LYPLA1: variants seen among roughly 807,000 people sequenced by gnomAD.
LYPLA1 encodes acyl-protein thioesterase 1.
LYPLA1 carries 17 observed loss-of-function variants against 34.0 expected under a neutral mutation model. The observed-to-expected ratio is 0.50, with a 90% CI of 0.34 to 0.75. The LOEUF is 0.75. Among genes scored for constraint, LYPLA1 ranks in the 30% least tolerant of loss-of-function variants. The pLI is 0.01. For missense variants in LYPLA1, 203 were observed against 288.8 expected (o/e 0.70, Z 2.15); for synonymous variants, 98 against 100.8 (o/e 0.97, Z 0.17).
chr8:54,071,619 A>T (rs1807473369), intron 2 of LYPLA1, among the ~76,000 whole-genome samples: 1 of 152,158 alleles, frequency 6.6e-6, no homozygotes, highest in Non-Finnish European at 1.5e-5. Flanking sequence ...ATTTTATTTT[A>T]AAAGTGTGAG....
chr8:54,078,466 G>A (rs1025118972), intron 2 of LYPLA1, among the ~76,000 whole-genome samples: 10 of 152,092 alleles, frequency 6.6e-5, no homozygotes, highest in African/African-American at 1.2e-4. Context: ...AATTTACAAC[G>A]GTTAGACTCA....
chr8:54,052,005 G>A (rs1189692757), intron 7 of LYPLA1, among the ~76,000 whole-genome samples: 1 of 151,480 alleles, frequency 6.6e-6, no homozygotes, highest in Non-Finnish European at 1.5e-5. Flanking sequence ...TGTGCACCAC[G>A]ACGCCCAGCT....
chr8:54,058,458 A>C (rs113881244), intron 5 of LYPLA1, among the ~76,000 whole-genome samples: 20,105 of 152,042 alleles, frequency 0.13, 3,537 homozygotes, highest in African/African-American at 0.41. Flanking sequence ...ACAGGAGAAT[A>C]ACTTGAACCC....
chr8:54,053,790 CA>C (rs1277566457), intron 6 of LYPLA1: 5 of 453,362 alleles, frequency 1.1e-5, no homozygotes, highest in Non-Finnish European at 2.2e-5. Flanking sequence ...AGATGGTGAG[CA>C]AGGCCCAACT....
chr8:54,066,988 G>A (rs1249470009), intron 2 of LYPLA1, among the ~76,000 whole-genome samples: 1 of 151,810 alleles, frequency 6.6e-6, no homozygotes, highest in Non-Finnish European at 1.5e-5. Context: ...GGCCAACATG[G>A]TGAAACCCTG....
intron 2 of LYPLA1, among the ~76,000 whole-genome samples, chr8:54,078,886 C>CTTTTT (rs749362463): frequency 3.0e-4 from 45 of 148,536 alleles, no homozygotes; most frequent in African/African-American, 1.1e-3. Flanking sequence ...CAACCCCCCC[C>CTTTTT]CTTTTTTTTT....
At chr8:54,068,210 G>A (rs1326380911) in intron 2 of LYPLA1, among the ~76,000 whole-genome samples, 2 of 152,030 alleles carry the variant, frequency 1.3e-5, no homozygotes, top group Non-Finnish European at 2.9e-5. Context: ...AACATATTAA[G>A]AAATACAAGA....
At chr8:54,088,306 GA>G (rs1808952804) in intron 2 of LYPLA1, among the ~76,000 whole-genome samples, 1 of 152,086 alleles carries the variant, frequency 6.6e-6, no homozygotes, top group Non-Finnish European at 1.5e-5. Flanking sequence ...AGATGGAGAG[GA>G]AAATCTTTAA....
intron 2 of LYPLA1, among the ~76,000 whole-genome samples, chr8:54,068,649 A>G (rs1807252545): frequency 6.6e-6 from 1 of 152,240 alleles, no homozygotes; most frequent in African/African-American, 2.4e-5. Flanking sequence ...CATGTAATAC[A>G]AAGAAGTTGG....
intron 2 of LYPLA1, among the ~76,000 whole-genome samples, chr8:54,086,136 C>G (rs1176339121): frequency 6.6e-6 from 1 of 152,008 alleles, no homozygotes; most frequent in Non-Finnish European, 1.5e-5. Flanking sequence ...CCCCCAACCC[C>G]GTGCTCTCTG....
intron 2 of LYPLA1, among the ~76,000 whole-genome samples, chr8:54,081,174 C>G (rs1464598073): frequency 6.6e-6 from 1 of 152,118 alleles, no homozygotes; most frequent in African/African-American, 2.4e-5. Context: ...TTATTCACCC[C>G]AAATATACAG....
intron 2 of LYPLA1, among the ~76,000 whole-genome samples, chr8:54,098,135 G>A (rs191180739): frequency 1.3e-5 from 2 of 151,912 alleles, no homozygotes; most frequent in Non-Finnish European, 2.9e-5. Flanking sequence ...AGGCAGGAGA[G>A]TTGCTTGAAC....
chr8:54,076,512 GA>G (rs1807915389), intron 2 of LYPLA1, among the ~76,000 whole-genome samples: 1 of 148,130 alleles, frequency 6.8e-6, no homozygotes. Flanking sequence ...AAAGAAGGGA[GA>G]CATGTTGGGA....
chr8:54,071,375 T>C (rs1427131611), intron 2 of LYPLA1, among the ~76,000 whole-genome samples: 1 of 150,940 alleles, frequency 6.6e-6, no homozygotes, highest in African/African-American at 2.4e-5. Flanking sequence ...ACAAGTATCC[T>C]TGTGCATGGG....
At chr8:54,095,354 T>C (rs1036542930) in intron 2 of LYPLA1, among the ~76,000 whole-genome samples, 6 of 152,166 alleles carry the variant, frequency 3.9e-5, no homozygotes, top group African/African-American at 1.4e-4. Flanking sequence ...TTAAATATCA[T>C]AAGATATTCG....
chr8:54,079,218 G>A (rs1054798378), intron 2 of LYPLA1, among the ~76,000 whole-genome samples: 1 of 152,046 alleles, frequency 6.6e-6, no homozygotes, highest in South Asian at 2.1e-4. Flanking sequence ...GACCTCAAGT[G>A]ATCCACCTAC....
intron 2 of LYPLA1, among the ~76,000 whole-genome samples, chr8:54,089,774 C>T (rs1036554923): frequency 3.3e-5 from 5 of 152,130 alleles, no homozygotes; most frequent in Non-Finnish European, 5.9e-5. Flanking sequence ...CAGGCACACT[C>T]TACCATGGCT....
At chr8:54,065,377 G>A (rs1806974941) in intron 3 of LYPLA1, among the ~76,000 whole-genome samples, 1 of 152,032 alleles carries the variant, frequency 6.6e-6, no homozygotes, top group East Asian at 1.9e-4. Context: ...AGAATCGCTT[G>A]AACCCAGGAG....
chr8:54,063,250 T>C lies in LYPLA1; in HGVS notation c.215+78A>G. On this transcript the variant is annotated intron_variant, in intron 4 of 8. Transcript: ENST00000316963. ...ATTTAAAAAACAGCTAAATAAAAACTGCTGTACACAAAAGCATTTCTGATA... is the reference window on the plus strand; with the variant it reads ...ATTTAAAAAACAGCTAAATAAAAACCGCTGTACACAAAAGCATTTCTGATA... The C allele has an allele frequency of 5.7e-6, 5 of 883,426 alleles. No homozygotes were observed. The East Asian group carries it at 8.5e-5, about 15-fold the overall frequency. 54.7% of individuals were successfully genotyped at this position (883,426 alleles called of 1,614,324 possible). A position where few individuals can be genotyped will look rare whatever the true frequency, so the allele number is the denominator to read the frequency against.
Sources: allele counts gnomAD v4.1 joint callset (sites outside exome capture counted in the v4.1 genomes callset), GRCh38; gene constraint gnomAD v4.1.1; transcripts MANE v1.5; gene names NCBI Gene and HGNC (gene_info 2026-07-23, HGNC 2026-07-21).